Variants in ACOXL observed in about 807,000 individuals in gnomAD.
ACOXL encodes acyl-CoA oxidase like.
A neutral mutation model predicts 71.9 loss-of-function variants in ACOXL; 70 were observed. The ratio of observed to expected loss-of-function variants is 0.97; its 90% CI spans 0.80 to 1.19. The LOEUF (loss-of-function observed/expected upper bound fraction) is 1.19. ACOXL is among the 50% of genes most tolerant of loss of function. The pLI is 0.00. For missense variants in ACOXL, 703 were observed against 736.3 expected (o/e 0.95, Z 0.52); for synonymous variants, 253 against 281.6 (o/e 0.90, Z 1.02).
chr2:111,021,295 A>G (rs958300), intron 14 of ACOXL, among the ~76,000 whole-genome samples: 3,233 of 152,306 alleles, frequency 0.021, 117 homozygotes, highest in African/African-American at 0.075. Context: ...TCCGGGATAC[A>G]GTCCTGTCTG....
chr2:110,901,319 C>T (rs2059222758), intron 10 of ACOXL, among the ~76,000 whole-genome samples: 1 of 152,186 alleles, frequency 6.6e-6, no homozygotes, highest in Non-Finnish European at 1.5e-5. Context: ...GGGGTGCTCT[C>T]ACTGCTCTGT....
At chr2:110,929,576 G>A (rs1434185258) in intron 11 of ACOXL, among the ~76,000 whole-genome samples, 1 of 152,218 alleles carries the variant, frequency 6.6e-6, no homozygotes, top group African/African-American at 2.4e-5. Context: ...AAATAGTGAG[G>A]AACCAAATGC....
chr2:111,068,263 C>T (rs376092452), intron 16 of ACOXL, among the ~76,000 whole-genome samples: 3 of 152,146 alleles, frequency 2.0e-5, no homozygotes, highest in East Asian at 1.9e-4. Flanking sequence ...AAACGGTGTG[C>T]GTGCTGGAGC....
intron 15 of ACOXL, among the ~76,000 whole-genome samples, chr2:111,044,862 A>AT: frequency 6.6e-6 from 1 of 151,864 alleles, no homozygotes; most frequent in Non-Finnish European, 1.5e-5. Flanking sequence ...GCTGCTCCAT[A>AT]TTTTTTTCTC....
chr2:110,996,086 G>C (rs911391339), intron 14 of ACOXL, 82 bp downstream of exon 14: 8 of 1,195,586 alleles, frequency 6.7e-6, no homozygotes, highest in Admixed American at 1.7e-5. Context: ...GTTAAGTTTA[G>C]TAGAGGATGA....
intron 10 of ACOXL, among the ~76,000 whole-genome samples, chr2:110,844,289 C>T (rs1691522070): frequency 6.6e-6 from 1 of 152,116 alleles, no homozygotes; most frequent in Non-Finnish European, 1.5e-5. Flanking sequence ...GTTGTGTTTT[C>T]CAAAAATTAC....
At chr2:110,982,705 G>C (rs76257079) in intron 12 of ACOXL, among the ~76,000 whole-genome samples, 8,854 of 152,214 alleles carry the variant, frequency 0.058, 618 homozygotes, top group East Asian at 0.36. Flanking sequence ...TTGTATTTCA[G>C]GTAAACAAGA....
intron 12 of ACOXL, among the ~76,000 whole-genome samples, chr2:110,951,604 T>G (rs1486657925): frequency 1.3e-5 from 2 of 152,362 alleles, no homozygotes; most frequent in Admixed American, 1.3e-4. Flanking sequence ...TATTCTCTAT[T>G]ATGTTAAGGA....
At chr2:110,744,247 C>T (rs1677907646) in intron 1 of ACOXL, among the ~76,000 whole-genome samples, 1 of 152,216 alleles carries the variant, frequency 6.6e-6, no homozygotes, top group Non-Finnish European at 1.5e-5. Flanking sequence ...CCACTTTACC[C>T]TCAAGGTGCT....
rs577260900 is a variant in ACOXL, at chr2:110,968,216, A to G, written c.1060-18892A>G. On this transcript the variant is annotated intron_variant, in intron 12 of 17. Transcript: ENST00000439055. Reference sequence around the variant, plus strand: ...GAAGGCCAAGTGTAGGTGACTGGCAATGAATACAATGTGGAAAACATTGAT... The same window carrying G: ...GAAGGCCAAGTGTAGGTGACTGGCAGTGAATACAATGTGGAAAACATTGAT... The G allele has an allele frequency of 2.2e-4, 234 of 1,069,906 alleles. 1 individual carries two copies. The highest frequency in any genetic ancestry group is 5.5e-4 in the South Asian group (44 of 80,246). The allele number at this position is 1,069,906 out of a possible 1,614,324, so 66.3% of individuals were successfully genotyped here. A position where few individuals can be genotyped will look rare whatever the true frequency, so the allele number is the denominator to read the frequency against.
chr2:110,930,894 G>C (rs901179607), intron 11 of ACOXL, among the ~76,000 whole-genome samples: 2 of 152,016 alleles, frequency 1.3e-5, no homozygotes, highest in Non-Finnish European at 2.9e-5. Context: ...AAACCTTTTT[G>C]CTTTATAAAT....
intron 12 of ACOXL, among the ~76,000 whole-genome samples, chr2:110,950,020 GTCTT>G (rs1166310728): frequency 1.3e-5 from 2 of 149,438 alleles, no homozygotes; most frequent in African/African-American, 2.5e-5. Flanking sequence ...ACAATCCTCT[GTCTT>G]TTTTTTATTT....
intron 2 of ACOXL, among the ~76,000 whole-genome samples, chr2:110,769,444 G>A (rs897509906): frequency 4.0e-5 from 6 of 151,860 alleles, no homozygotes; most frequent in African/African-American, 1.5e-4. Flanking sequence ...GAGCCCAGGA[G>A]TTCAAGACTG....
intron 10 of ACOXL, among the ~76,000 whole-genome samples, chr2:110,852,828 C>G (rs1692780787): frequency 6.6e-6 from 1 of 152,200 alleles, no homozygotes; most frequent in African/African-American, 2.4e-5. Flanking sequence ...AGAAGTCCAC[C>G]TATAAACTGC....
At chr2:111,002,690 G>A (rs2063690788) in intron 14 of ACOXL, among the ~76,000 whole-genome samples, 1 of 152,056 alleles carries the variant, frequency 6.6e-6, no homozygotes, top group African/African-American at 2.4e-5. Context: ...TACCGTTAGG[G>A]TTTAGGAGTC....
chr2:110,981,117 CT>C, intron 12 of ACOXL, among the ~76,000 whole-genome samples: 1 of 152,310 alleles, frequency 6.6e-6, no homozygotes, highest in East Asian at 1.9e-4. Flanking sequence ...AATCCCAGCA[CT>C]TTGGGAGGCT....
rs61323984 is a variant in ACOXL, at chr2:110,931,110, C to T, written c.906-2379C>T. On this transcript the variant is annotated intron_variant, in intron 11 of 17. Coordinates refer to ENST00000439055, the MANE Select transcript of ACOXL (RefSeq NM_001142807.4). The stretch of plus-strand genomic sequence containing the variant: ...ATTTCCTAATTTATCTTTTGGGCCA[C>T]GATGAGTTTCTTATATCAGATTTTC... Among the ~76,000 whole-genome samples the T allele has an allele frequency of 1.2e-3, 177 of 152,298 alleles. 1 individual carries two copies. The highest frequency in any genetic ancestry group is 4.0e-3 in the African/African-American group (165 of 41,558).
chr2:110,939,702 C>CA (rs1464651771), intron 12 of ACOXL, among the ~76,000 whole-genome samples: 1 of 152,246 alleles, frequency 6.6e-6, no homozygotes. Context: ...CCGTGGCCCT[C>CA]AGGCCTCATG....
chr2:111,090,091 C>T (rs188622179), intron 16 of ACOXL, among the ~76,000 whole-genome samples: 441 of 152,278 alleles, frequency 2.9e-3, no homozygotes, highest in African/African-American at 9.7e-3. Flanking sequence ...TAGACTGCTG[C>T]TTGGTTCCTT....
Sources: gnomAD v4.1 joint callset for allele counts (sites outside exome capture counted in the v4.1 genomes callset) on GRCh38, gnomAD v4.1.1 for gene constraint, MANE v1.5 for transcripts, NCBI Gene and HGNC (gene_info 2026-07-23, HGNC 2026-07-21) for gene names.